The following THOP1 variants were observed in gnomAD, a reference collection of about 807,000 sequenced individuals.
THOP1 encodes the protein thimet oligopeptidase 1.
In THOP1, 49 loss-of-function variants were observed where a neutral mutation model predicts 71.8. That is an observed-to-expected ratio of 0.68 (90% CI 0.54 to 0.87). The LOEUF (loss-of-function observed/expected upper bound fraction) is 0.87, where lower values mean the gene tolerates loss of function less well. THOP1 is among the 40% of genes least tolerant of loss of function. The pLI, the probability that THOP1 is intolerant of heterozygous loss-of-function variation, is 0.00. For missense variants in THOP1, 843 were observed against 975.6 expected, an observed-to-expected ratio of 0.86 and a Z score of 1.81; for synonymous variants, 426 against 421.5, an observed-to-expected ratio of 1.01 and a Z score of -0.13.
At chr19:2,806,624 C>A in intron 6 of THOP1, 1 of 441,452 alleles carries the variant, frequency 2.3e-6, no homozygotes, top group Non-Finnish European at 4.0e-6. Flanking sequence ...GGTGTCCCCA[C>A]ATGCAGCAGT....
At chr19:2,787,719 G>A (rs973992680) in intron 1 of THOP1, among the ~76,000 whole-genome samples, 2 of 152,198 alleles carry the variant, frequency 1.3e-5, no homozygotes, top group African/African-American at 4.8e-5. Context: ...TGGGGTGATT[G>A]TGCTACCTCT....
chr19:2,793,067 C>T (rs1915922431), intron 2 of THOP1, among the ~76,000 whole-genome samples: 3 of 151,922 alleles, frequency 2.0e-5, no homozygotes, highest in African/African-American at 4.8e-5. Flanking sequence ...TTCAACTACT[C>T]GGGAGACTGA....
intron 4 of THOP1, among the ~76,000 whole-genome samples, chr19:2,797,726 C>T (rs1916053488): frequency 6.6e-6 from 1 of 152,216 alleles, no homozygotes; most frequent in Non-Finnish European, 1.5e-5. Flanking sequence ...TTGGGACATA[C>T]CCCTGTCCTA....
intron 6 of THOP1, 74 bp from the exon 7 acceptor site, chr19:2,806,842 TG>T: frequency 6.2e-7 from 1 of 1,602,798 alleles, no homozygotes; most frequent in Non-Finnish European, 8.5e-7. Flanking sequence ...CCTTTGGCCC[TG>T]GGACAGGGCG....
At position 2,812,153 on chromosome 19, in the gene THOP1, G is replaced by A. The variant is rs913905616; in HGVS notation, c.1908+419G>A. On this transcript the variant is annotated intron_variant, in intron 12 of 12. Transcript: ENST00000307741. ...CATGGGCTGAGACAGACCCTTCTCT[G>A]GAGAAGGCTTGGCGTTTGCCATTCA... The A allele has an allele frequency of 3.5e-5, 52 of 1,466,154 alleles. 1 individual carries two copies. Among genetic ancestry groups the A allele is most frequent in the Admixed American group, 9.0e-5 (4 of 44,308 alleles). The allele number at this position is 1,466,154 out of a possible 1,614,324, so 90.8% of individuals were successfully genotyped here.
chr19:2,797,595 A>G (rs567971588), intron 4 of THOP1, among the ~76,000 whole-genome samples: 1 of 152,364 alleles, frequency 6.6e-6, no homozygotes, highest in African/African-American at 2.4e-5. Context: ...CGGCGATCTC[A>G]CCAGAATGTG....
At position 2,791,368 on chromosome 19, in the gene THOP1, C is replaced by T. The variant is rs529679522; in HGVS notation, c.229+735C>T. On this transcript the variant is annotated intron_variant, in intron 2 of 12. Coordinates refer to ENST00000307741, the MANE Select transcript of THOP1 (RefSeq NM_003249.5). ...GGAAGGCCTTTTTGCTGGGAACCAT[C>T]GAGAATCCTTGAGTTCAAGCCCAGG... 3.9e-5 allele frequency among the ~76,000 whole-genome samples: 6 copies of T among 152,132 alleles called. No homozygotes were observed. In the South Asian group the frequency reaches 1.2e-3, roughly 32 times the overall value.
rs142715429 is a variant in THOP1, at chr19:2,792,133, A to G, written c.229+1500A>G. Among the ~76,000 whole-genome samples, 44 of 152,262 alleles carry G rather than the reference A, an allele frequency of 2.9e-4. No individual in the cohort carries two copies. The Middle Eastern group carries it at 0.01, about 35-fold the overall frequency. ...TGTCGTCCCTGCGGTCACTTGTCTA[A>G]TCGGTCGCCCGTAAATCCCGAGAGG... On this transcript the variant is annotated intron_variant, in intron 2 of 12. Transcript: ENST00000307741.
chr19:2,797,145 G>A (rs1381863025), intron 4 of THOP1, among the ~76,000 whole-genome samples: 1 of 152,164 alleles, frequency 6.6e-6, no homozygotes, highest in African/African-American at 2.4e-5. Context: ...GTAGCGGGGA[G>A]TGGGCTCAGG....
chr19:2,809,365 C>G (rs1246002035), intron 9 of THOP1, among the ~76,000 whole-genome samples: 1 of 152,182 alleles, frequency 6.6e-6, no homozygotes, highest in African/African-American at 2.4e-5. Flanking sequence ...CGCTTGGGGC[C>G]TTTTAAACAC....
intron 12 of THOP1, 64 bp from the exon 13 acceptor site, chr19:2,813,051 C>G: frequency 6.6e-7 from 1 of 1,524,730 alleles, no homozygotes; most frequent in African/African-American, 1.4e-5. Flanking sequence ...TGTGCAGACT[C>G]CTGGGGTCCT....
chr19:2,795,245 C>T (rs1475949822), intron 3 of THOP1, among the ~76,000 whole-genome samples: 3 of 152,262 alleles, frequency 2.0e-5, no homozygotes, highest in Admixed American at 2.0e-4. Context: ...CAGGCCTGAG[C>T]CACCACGCCC....
At chr19:2,800,577 T>A (rs2144769142) in intron 5 of THOP1, among the ~76,000 whole-genome samples, 1 of 152,370 alleles carries the variant, frequency 6.6e-6, no homozygotes, top group South Asian at 2.1e-4. Flanking sequence ...GACAAGGCCC[T>A]CATGGCCGGA....
chr19:2,797,366 C>T (rs1916043887), intron 4 of THOP1, among the ~76,000 whole-genome samples: 1 of 152,184 alleles, frequency 6.6e-6, no homozygotes. Flanking sequence ...ACCCAAATGT[C>T]AAAGCATCAG....
intron 5 of THOP1, among the ~76,000 whole-genome samples, chr19:2,802,459 C>A (rs867132254): frequency 4.2e-5 from 6 of 141,676 alleles, no homozygotes; most frequent in South Asian, 2.4e-4. Context: ...CCCGACACCC[C>A]CACCTCCCGA....
In THOP1 at chr19:2,811,591, G is replaced by T. The variant is rs368101095; in HGVS notation, c.1772-7G>T. 6.2e-7 allele frequency: 1 copy of T among 1,611,434 alleles called. No individual in the cohort carries two copies. Among genetic ancestry groups the T allele is most frequent in the Non-Finnish European group, 8.5e-7 (1 of 1,178,908 alleles). ...ACAGCGTGAACCCTGCCATGTGTCC[G>T]CCCCAGGAACCAACATGCCTGCAAC... On this transcript the variant is annotated splice_polypyrimidine_tract_variant and splice_region_variant and intron_variant, in intron 11 of 12. Coordinates refer to ENST00000307741, the MANE Select transcript of THOP1 (RefSeq NM_003249.5).
In THOP1 at chr19:2,789,315, C is replaced by T. The variant is rs562997692; in HGVS notation, c.17-1106C>T. On this transcript the variant is annotated intron_variant, in intron 1 of 12. Transcript: ENST00000307741. ...GTTAGGTGTTTCCAGGTGGTTTTGC[C>T]ACCTTCTCTGTGCCGAGCCGCACTG... 8.5e-5 allele frequency among the ~76,000 whole-genome samples: 13 copies of T among 152,342 alleles called. 1 individual carries two copies. The East Asian group carries it at 1.7e-3, about 20-fold the overall frequency.
intron 1 of THOP1, among the ~76,000 whole-genome samples, chr19:2,787,486 T>A (rs897872291): frequency 6.6e-6 from 1 of 152,190 alleles, no homozygotes; most frequent in African/African-American, 2.4e-5. Context: ...CAGTTCCAGT[T>A]CCCATCCATC....
At position 2,794,968 on chromosome 19, in the gene THOP1, C is replaced by T. The variant is rs537489417; in HGVS notation, c.378+56C>T. On this transcript the variant is annotated intron_variant, in intron 3 of 12. Transcript: ENST00000307741. Reference sequence around the variant, plus strand: ...CCTCCCAAGTAACTAGGATTACAGGCGCCCGCCACCACACCCGGCTAATTT... The same window carrying T: ...CCTCCCAAGTAACTAGGATTACAGGTGCCCGCCACCACACCCGGCTAATTT... The T allele has an allele frequency of 1.4e-4, 216 of 1,567,748 alleles. No homozygotes were observed. The South Asian group carries it at 1.8e-3, about 13-fold the overall frequency.
Sources: allele counts gnomAD v4.1 joint callset (sites outside exome capture counted in the v4.1 genomes callset), GRCh38; gene constraint gnomAD v4.1.1; transcripts MANE v1.5; gene names NCBI Gene and HGNC (gene_info 2026-07-23, HGNC 2026-07-21).